The following SPG11 variants were observed in gnomAD, a reference collection of about 807,000 sequenced individuals.
SPG11 encodes SPG11 vesicle trafficking associated, spatacsin.
SPG11 carries 222 observed loss-of-function variants against 274.0 expected under a neutral mutation model. The observed-to-expected ratio is 0.81, with a 90% CI of 0.73 to 0.91. The LOEUF (loss-of-function observed/expected upper bound fraction) is 0.91, where lower values mean the gene tolerates loss of function less well. Ranked by LOEUF, SPG11 falls within the 40% of genes least tolerant of loss-of-function variation. SPG11 has a pLI of 0.00. For missense variants in SPG11, 3,114 were observed against 2,872.7 expected, an observed-to-expected ratio of 1.08 and a Z score of -1.92; for synonymous variants, 1,144 against 1,039.7, an observed-to-expected ratio of 1.10 and a Z score of -1.93.
chr15:44,660,300 C>T (rs2085066086), intron 2 of SPG11, 132 bp downstream of exon 2: 2 of 717,980 alleles, frequency 2.8e-6, no homozygotes, highest in African/African-American at 3.5e-5. Flanking sequence ...GCTCAATAGC[C>T]CCATCTGCCT....
At chr15:44,634,377 T>C (rs2084174772) in intron 7 of SPG11, among the ~76,000 whole-genome samples, 2 of 151,828 alleles carry the variant, frequency 1.3e-5, no homozygotes, top group Admixed American at 6.6e-5. Context: ...CCAGCTTAAG[T>C]GATTCTCGTG....
intron 6 of SPG11, among the ~76,000 whole-genome samples, chr15:44,649,793 G>A (rs1264442064): frequency 6.6e-6 from 1 of 151,876 alleles, no homozygotes; most frequent in East Asian, 1.9e-4. Flanking sequence ...TACTCGGGAG[G>A]GTGAGGCAGG....
rs1339436003 is a variant in SPG11 at position 44,573,552 on chromosome 15, C to G, written c.6200G>C (p.Gly2067Ala). 1 of 1,614,144 alleles carries G rather than the reference C, an allele frequency of 6.2e-7. No homozygotes were observed. The highest frequency in any genetic ancestry group is 1.7e-5 in the Admixed American group (1 of 60,016). The change falls in exon 32 of 40, where the codon GGA becomes GCA. Residue 2067 changes from glycine to alanine, a missense_variant. Coordinates refer to ENST00000261866, the MANE Select transcript of SPG11 (RefSeq NM_025137.4). ...ATCCCCGGGGGGTAGGGCACCTGTT[C>G]CCTGTGATGAAGTAAGCAGCTCCCG... The part of the protein sequence containing the change: ...VTRELLTSSQ[G>A]TGHKQMFNPT...
chr15:44,589,972 A>C (rs901345593), intron 27 of SPG11, among the ~76,000 whole-genome samples: 1 of 151,976 alleles, frequency 6.6e-6, no homozygotes, highest in African/African-American at 2.4e-5. Flanking sequence ...ACGCCTGGCT[A>C]ATTTTTTTGT....
In SPG11 at chr15:44,574,882, C is replaced by A; in HGVS notation, c.6006+20G>T. 1.2e-6 allele frequency: 2 copies of A among 1,613,356 alleles called. No homozygotes were observed. The highest frequency in any genetic ancestry group is 1.1e-5 in the South Asian group (1 of 91,036). ...TTTCCCTCCCTCTCAGAAAGAGGAG[C>A]CCCACCCCTTGGCACATACCTTGGC... On this transcript the variant is annotated intron_variant, in intron 31 of 39. Transcript: ENST00000261866.
chr15:44,582,795 C>T (rs2082682820), intron 30 of SPG11, among the ~76,000 whole-genome samples: 1 of 151,504 alleles, frequency 6.6e-6, no homozygotes, highest in Non-Finnish European at 1.5e-5. Flanking sequence ...TTAACAGATA[C>T]AGCAATAACA....
intron 20 of SPG11, among the ~76,000 whole-genome samples, chr15:44,601,596 TG>T (rs2083191513): frequency 6.7e-6 from 1 of 149,838 alleles, no homozygotes; most frequent in South Asian, 2.1e-4. Flanking sequence ...CTTGCTCGGC[TG>T]TCTAGGCTGG....
intron 15 of SPG11, among the ~76,000 whole-genome samples, chr15:44,617,074 C>G (rs1408580515): frequency 6.6e-6 from 1 of 152,204 alleles, no homozygotes; most frequent in Non-Finnish European, 1.5e-5. Flanking sequence ...ATGGGTTCTA[C>G]TACGAGACCC....
intron 20 of SPG11, among the ~76,000 whole-genome samples, chr15:44,605,806 C>G (rs923616843): frequency 2.0e-5 from 3 of 152,210 alleles, no homozygotes; most frequent in African/African-American, 7.2e-5. Flanking sequence ...AATAGTTACA[C>G]ATTACATTTC....
Position 44,657,167 on chromosome 15 carries a change from T to A in SPG11, c.797A>T (p.Gln266Leu), listed in dbSNP as rs1197181279. Reference sequence around the variant, plus strand: ...GACAATCACTGCAACATCGAGGTCTTGAGAAACTTTCAGTGAAGTAAATGA... The same window carrying A: ...GACAATCACTGCAACATCGAGGTCTAGAGAAACTTTCAGTGAAGTAAATGA... The part of the protein sequence containing the change: ...ISSFTSLKVS[Q>L]DLDVAVIVSS... Residue 266 changes from glutamine (Q) to leucine (L), a missense_variant, in exon 4 of 40, where the codon CAA becomes CTA. Coordinates refer to ENST00000261866, the MANE Select transcript of SPG11 (RefSeq NM_025137.4). The A allele has an allele frequency of 1.2e-6, 2 of 1,613,968 alleles. No homozygotes were observed. The highest frequency in any genetic ancestry group is 2.7e-5 in the African/African-American group (2 of 74,920).
At chr15:44,650,394 C>T (rs759944205) in intron 6 of SPG11, among the ~76,000 whole-genome samples, 11 of 152,194 alleles carry the variant, frequency 7.2e-5, no homozygotes, top group Non-Finnish European at 1.5e-4. Flanking sequence ...TTGCTCACAC[C>T]TGTAATCCCA....
At chr15:44,568,495 A>G (rs2082352644) in intron 35 of SPG11, among the ~76,000 whole-genome samples, 2 of 152,190 alleles carry the variant, frequency 1.3e-5, no homozygotes, top group African/African-American at 4.8e-5. Flanking sequence ...GAAGCAATGA[A>G]TCATCCAAAT....
chr15:44,617,958 G>C (rs2083632179), intron 15 of SPG11, among the ~76,000 whole-genome samples: 1 of 152,014 alleles, frequency 6.6e-6, no homozygotes, highest in South Asian at 2.1e-4. Flanking sequence ...TTACAGGTGT[G>C]AGCCACCGTG....
intron 30 of SPG11, among the ~76,000 whole-genome samples, chr15:44,577,118 G>C (rs1218348961): frequency 2.0e-5 from 3 of 152,138 alleles, no homozygotes; most frequent in African/African-American, 7.2e-5. Context: ...ATGAGCCACT[G>C]TGCCCAGTCT....
chr15:44,660,612 G>C lies in SPG11; in HGVS notation c.262C>G (p.Leu88Val). ...CCLEGPFWHF[L>V]WEDSRNSSTP... ...CTGCTGTTACGAGAATCCTCCCATA[G>C]AAAGCTAAGAAAAAAAGTTTAGATT... Residue 88 changes from leucine to valine, a missense_variant, in exon 2 of 40, where the codon CTA (leucine) becomes GTA (valine). Coordinates refer to ENST00000261866, the MANE Select transcript of SPG11 (RefSeq NM_025137.4). 1 of 1,613,886 alleles carries C rather than the reference G, an allele frequency of 6.2e-7. No individual in the cohort carries two copies. The highest frequency in any genetic ancestry group is 1.6e-4 in the Middle Eastern group (1 of 6,062).
At chr15:44,609,836 A>G (rs887110502) in intron 18 of SPG11, among the ~76,000 whole-genome samples, 12 of 150,786 alleles carry the variant, frequency 8.0e-5, no homozygotes, top group African/African-American at 2.9e-4. Flanking sequence ...GGCTCAAGTA[A>G]TCGTGTCTCA....
At chr15:44,649,105 C>CTGAG (rs2032306238) in intron 6 of SPG11, 94 bp from the exon 7 acceptor site, 1 of 893,982 alleles carries the variant, frequency 1.1e-6, no homozygotes, top group Non-Finnish European at 1.8e-6. Context: ...TACTTCAGTA[C>CTGAG]TATAATTACA....
rs1243652760 is a variant in SPG11 at position 44,570,663 on chromosome 15, G to A, written c.6344-5C>T. ...CCAGGATCAGGAGCTCTGTGGCTGG[G>A]AGGGTGGGCACTGGTAAGATAAGAT... is the stretch of plus-strand genomic sequence containing the variant. On this transcript the variant is annotated splice_region_variant and splice_polypyrimidine_tract_variant and intron_variant, in intron 33 of 39. Coordinates refer to ENST00000261866, the MANE Select transcript of SPG11 (RefSeq NM_025137.4). 4.3e-6 allele frequency: 7 copies of A among 1,613,654 alleles called. No individual in the cohort carries two copies. In the Admixed American group the frequency reaches 1.2e-4, roughly 27 times the overall value.
intron 4 of SPG11, among the ~76,000 whole-genome samples, chr15:44,655,263 AAAAT>A (rs1328029717): frequency 1.3e-5 from 2 of 152,194 alleles, no homozygotes; most frequent in Non-Finnish European, 2.9e-5. Context: ...TCCTGTCTCT[AAAAT>A]AATAACAACA....
Sources: allele counts gnomAD v4.1 joint callset (sites outside exome capture counted in the v4.1 genomes callset), GRCh38; gene constraint gnomAD v4.1.1; transcripts MANE v1.5; gene names NCBI Gene and HGNC (gene_info 2026-07-23, HGNC 2026-07-21).